Variants in FAT3 observed in about 807,000 individuals in gnomAD.
The protein encoded by FAT3 is FAT atypical cadherin 3.
FAT3 carries 95 observed loss-of-function variants against 310.2 expected under a neutral mutation model. The ratio of observed to expected loss-of-function variants is 0.31; its 90% CI spans 0.26 to 0.36. The LOEUF is 0.36. Among genes scored for constraint, FAT3 ranks in the 10% least tolerant of loss-of-function variants. The pLI is 1.00. For synonymous variants in FAT3, 2,314 were observed against 2,192.9 expected, an observed-to-expected ratio of 1.06 and a Z score of -1.54; for missense variants, 5,408 against 5,715.6, an observed-to-expected ratio of 0.95 and a Z score of 1.74.
intron 3 of FAT3, among the ~76,000 whole-genome samples, chr11:92,551,952 ATTAAT>A (rs1302786142): frequency 6.6e-6 from 1 of 152,230 alleles, no homozygotes; most frequent in Non-Finnish European, 1.5e-5. Context: ...GCTCAGATAA[ATTAAT>A]TTGACTGTTT....
chr11:92,653,680 T>C (rs531943171), intron 3 of FAT3, among the ~76,000 whole-genome samples: 19 of 152,326 alleles, frequency 1.2e-4, no homozygotes, highest in Non-Finnish European at 1.5e-4. Context: ...ATTGTTTCCA[T>C]ATGTTGCAGT....
chr11:92,266,578 C>T (rs1199907874), intron 1 of FAT3, among the ~76,000 whole-genome samples: 1 of 152,026 alleles, frequency 6.6e-6, no homozygotes, highest in East Asian at 1.9e-4. Flanking sequence ...AACATTTTGC[C>T]TTTGAGAAAC....
intron 25 of FAT3, among the ~76,000 whole-genome samples, chr11:92,887,723 T>C (rs1748584417): frequency 6.6e-6 from 1 of 152,196 alleles, no homozygotes; most frequent in African/African-American, 2.4e-5. Context: ...CTCTACCTCT[T>C]GTGAACTTAT....
chr11:92,357,064 A>C (rs916115147), intron 2 of FAT3, among the ~76,000 whole-genome samples: 10 of 152,140 alleles, frequency 6.6e-5, no homozygotes, highest in African/African-American at 2.4e-4. Context: ...TATTCCTTAT[A>C]ATTTAGTTGG....
intron 13 of FAT3, among the ~76,000 whole-genome samples, chr11:92,815,655 C>T (rs1200414683): frequency 6.6e-6 from 1 of 152,126 alleles, no homozygotes; most frequent in East Asian, 1.9e-4. Flanking sequence ...TAGATTTTGG[C>T]AACTGACTAG....
At chr11:92,304,881 G>A (rs1184534671) in intron 1 of FAT3, among the ~76,000 whole-genome samples, 1 of 152,044 alleles carries the variant, frequency 6.6e-6, no homozygotes, top group Non-Finnish European at 1.5e-5. Context: ...TGCTGGGTGA[G>A]GATGATCCTT....
At chr11:92,578,256 T>C (rs960077223) in intron 3 of FAT3, among the ~76,000 whole-genome samples, 1 of 152,140 alleles carries the variant, frequency 6.6e-6, no homozygotes, top group Non-Finnish European at 1.5e-5. Context: ...CTTGGTTCTC[T>C]ATATTAACAG....
chr11:92,435,473 T>TCCTTCCTTCCTC (rs1164291606), intron 2 of FAT3, among the ~76,000 whole-genome samples: 1 of 112,114 alleles, frequency 8.9e-6, no homozygotes, highest in Non-Finnish European at 1.6e-5. Flanking sequence ...TATTTATCCT[T>TCCTTCCTTCCTC]CCTTCCTTCC....
chr11:92,758,372 C>A (rs1946058350), intron 4 of FAT3, among the ~76,000 whole-genome samples: 1 of 152,260 alleles, frequency 6.6e-6, no homozygotes, highest in Admixed American at 6.5e-5. Context: ...CAGGGAATGG[C>A]TTTACAGGAA....
chr11:92,489,897 T>C (rs527916552), intron 2 of FAT3, among the ~76,000 whole-genome samples: 4 of 151,388 alleles, frequency 2.6e-5, no homozygotes, highest in East Asian at 1.9e-4. Flanking sequence ...CTTTTTTTTT[T>C]TTTTTACTTT....
At chr11:92,712,392 A>G (rs1275175251) in intron 4 of FAT3, among the ~76,000 whole-genome samples, 1 of 152,184 alleles carries the variant, frequency 6.6e-6, no homozygotes, top group African/African-American at 2.4e-5. Flanking sequence ...TGTGGTTTTC[A>G]CGGAGGGAGG....
chr11:92,491,091 C>T (rs1952585433), intron 2 of FAT3, among the ~76,000 whole-genome samples: 1 of 151,870 alleles, frequency 6.6e-6, no homozygotes, highest in Admixed American at 6.6e-5. Context: ...TTAACGTTTC[C>T]CTATGTTAGC....
chr11:92,504,490 T>C (rs1219398846), intron 2 of FAT3, among the ~76,000 whole-genome samples: 2 of 152,152 alleles, frequency 1.3e-5, no homozygotes, highest in Non-Finnish European at 2.9e-5. Context: ...AACATGCAAA[T>C]GACTGATTAC....
At chr11:92,852,024 A>C (rs1435253587) in intron 19 of FAT3, among the ~76,000 whole-genome samples, 1 of 152,158 alleles carries the variant, frequency 6.6e-6, no homozygotes, top group African/African-American at 2.4e-5. Flanking sequence ...TTTAAAGCTT[A>C]CTAGCTTCTA....
intron 4 of FAT3, 69 bp from the exon 5 acceptor site, chr11:92,761,787 C>A: frequency 7.0e-7 from 1 of 1,421,612 alleles, no homozygotes; most frequent in South Asian, 1.3e-5. Context: ...AGAAGAAACA[C>A]CCATAGGTTA....
intron 27 of FAT3, 114 bp downstream of exon 27, chr11:92,890,005 T>G: frequency 1.4e-6 from 1 of 715,902 alleles, no homozygotes; most frequent in South Asian, 1.5e-5. Context: ...ATGTCTCAGG[T>G]GTCTCGTGCG....
intron 2 of FAT3, among the ~76,000 whole-genome samples, chr11:92,508,940 G>C (rs1953201125): frequency 6.6e-6 from 1 of 152,036 alleles, no homozygotes; most frequent in African/African-American, 2.4e-5. Context: ...CACTTTTCAA[G>C]GCTGAAGAAT....
At chr11:92,616,209 T>C (rs1940796537) in intron 3 of FAT3, among the ~76,000 whole-genome samples, 1 of 152,240 alleles carries the variant, frequency 6.6e-6, no homozygotes, top group Non-Finnish European at 1.5e-5. Context: ...TCTTGTTGAA[T>C]TGATCCCTTT....
intron 1 of FAT3, among the ~76,000 whole-genome samples, chr11:92,307,002 G>A (rs1023388211): frequency 4.0e-5 from 6 of 149,500 alleles, no homozygotes; most frequent in Non-Finnish European, 7.4e-5. Context: ...TCTCTATGTT[G>A]CCCAGGCTGA....
Sources: allele counts gnomAD v4.1 joint callset (sites outside exome capture counted in the v4.1 genomes callset), GRCh38; gene constraint gnomAD v4.1.1; transcripts MANE v1.5; gene names NCBI Gene and HGNC (gene_info 2026-07-23, HGNC 2026-07-21).